ADGRF1: variants seen among roughly 807,000 people sequenced by gnomAD.
ADGRF1 encodes adhesion G protein-coupled receptor F1.
In ADGRF1, 85 loss-of-function variants were observed where a neutral mutation model predicts 87.2. The ratio of observed to expected loss-of-function variants is 0.97; its 90% CI spans 0.82 to 1.17. ADGRF1 has a LOEUF of 1.17. ADGRF1 is among the 50% of genes most tolerant of loss of function. The pLI, the probability that ADGRF1 is intolerant of heterozygous loss-of-function variation, is 0.00. For missense variants in ADGRF1, 1,169 were observed against 1,077.2 expected (o/e 1.09, Z -1.19); for synonymous variants, 430 against 408.8 (o/e 1.05, Z -0.63).
Position 47,009,958 on chromosome 6 carries a change from C to G in ADGRF1, c.1477G>C (p.Val493Leu), listed in dbSNP as rs377139714. The G allele has an allele frequency of 1.9e-6, 3 of 1,613,900 alleles. No individual in the cohort carries two copies. The South Asian group carries it at 3.3e-5, about 18-fold the overall frequency. Residue 493 changes from valine (V) to leucine (L), a missense_variant, in exon 11 of 15, where the codon GTT (valine) becomes CTT (leucine). Physicochemically the swap from Val to Leu is conservative, Grantham distance 32. Transcript: ENST00000371253. ...ASLTLGNILP[V>L]SKNGNAQVNG... ...ACCTGAGCATTTCCATTTTTGGAAACGGGTAGAATGTTCCCCAGAGTCAAC... is the reference window on the plus strand; with the variant it reads ...ACCTGAGCATTTCCATTTTTGGAAAGGGGTAGAATGTTCCCCAGAGTCAAC...
intron 9 of ADGRF1, chr6:47,013,806 G>T: frequency 4.7e-6 from 1 of 212,476 alleles, no homozygotes; most frequent in Non-Finnish European, 8.1e-6. Flanking sequence ...GCTGTCTCAT[G>T]ATACAGTTCT....
chr6:47,013,896 C>T (rs563526160), intron 9 of ADGRF1: 1 of 154,708 alleles, frequency 6.5e-6, no homozygotes, highest in Non-Finnish European at 1.4e-5. Context: ...CTCTCTCTCT[C>T]TCTCTCTCCT....
At chr6:47,027,636 G>A (rs368690965) in intron 3 of ADGRF1, 68 bp downstream of exon 3, 23 of 1,006,920 alleles carry the variant, frequency 2.3e-5, no homozygotes, top group Admixed American at 5.7e-5. Flanking sequence ...CAGGGGCACC[G>A]CTGGGATTAG....
intron 1 of ADGRF1, among the ~76,000 whole-genome samples, chr6:47,033,400 G>C (rs183100069): frequency 1.4e-4 from 21 of 152,322 alleles, no homozygotes; most frequent in Admixed American, 1.1e-3. Context: ...TATGCCAACA[G>C]CTGTCTCCTT....
At position 47,018,772 on chromosome 6, in the gene ADGRF1, A is replaced by C. The variant is rs1361713600; in HGVS notation, c.611+1959T>G. 8 of 298,432 alleles carry C rather than the reference A, an allele frequency of 2.7e-5. No homozygotes were observed. The East Asian group carries it at 7.3e-4, about 27-fold the overall frequency. 18.5% of individuals were successfully genotyped at this position (298,432 alleles called of 1,614,324 possible). On this transcript the variant is annotated intron_variant, in intron 7 of 14. Coordinates refer to ENST00000371253, the MANE Select transcript of ADGRF1 (RefSeq NM_153840.4). Reference sequence around the variant, plus strand: ...TTTTTTAAAATAATTTTTTTAAAAGAGATTTATTTTAAATCATATATGCAA... The same window carrying C: ...TTTTTTAAAATAATTTTTTTAAAAGCGATTTATTTTAAATCATATATGCAA...
chr6:47,000,695 A>G (rs1230047001), intron 14 of ADGRF1, among the ~76,000 whole-genome samples: 2 of 152,234 alleles, frequency 1.3e-5, no homozygotes, highest in Non-Finnish European at 2.9e-5. Flanking sequence ...ACAGAACCCA[A>G]GGGTCCGGGA....
intron 13 of ADGRF1, among the ~76,000 whole-genome samples, chr6:47,002,591 T>C (rs1033756163): frequency 2.0e-5 from 3 of 152,184 alleles, no homozygotes; most frequent in African/African-American, 7.2e-5. Flanking sequence ...ATATACTTCC[T>C]TGTGGTCTGG....
chr6:47,000,127 C>A lies in ADGRF1; in HGVS notation c.*95G>T. On this transcript the variant is annotated 3_prime_UTR_variant, in exon 15 of 15. Transcript: ENST00000371253. ...ATTCCCAGACCCCTAAATCAGAAAA[C>A]CCGATCGAATACTGAGCATAATTTC... is the stretch of plus-strand genomic sequence containing the variant. The A allele has an allele frequency of 2.2e-6, 2 of 910,410 alleles. No individual in the cohort carries two copies. The highest frequency in any genetic ancestry group is 3.5e-6 in the Non-Finnish European group (2 of 568,812). The allele number at this position is 910,410 out of a possible 1,614,324, so 56.4% of individuals were successfully genotyped here.
intron 13 of ADGRF1, among the ~76,000 whole-genome samples, chr6:47,003,876 C>G (rs1779436304): frequency 6.6e-6 from 1 of 152,162 alleles, no homozygotes; most frequent in African/African-American, 2.4e-5. Flanking sequence ...TTGATTGAGA[C>G]CTGTCTCAGA....
intron 1 of ADGRF1, among the ~76,000 whole-genome samples, chr6:47,041,906 T>C (rs1314756119): frequency 6.6e-6 from 1 of 152,198 alleles, no homozygotes; most frequent in East Asian, 1.9e-4. Context: ...ATCAGAACAA[T>C]GGGGTTCCTG....
intron 7 of ADGRF1, chr6:47,019,315 T>G: frequency 1.0e-6 from 1 of 981,618 alleles, no homozygotes; most frequent in East Asian, 1.1e-4. Context: ...TATTGAATTT[T>G]AAAGAAAACT....
chr6:47,005,856 G>A lies in ADGRF1; in HGVS notation c.2553C>T (p.Asn851=), dbSNP rs774407346. 3.7e-6 allele frequency: 6 copies of A among 1,611,950 alleles called. No homozygotes were observed. The highest frequency in any genetic ancestry group is 1.1e-5 in the South Asian group (1 of 90,830). The change falls in exon 13 of 15, where the codon AAC becomes AAT. Residue 851 remains asparagine (N), a synonymous_variant. Coordinates refer to ENST00000371253, the MANE Select transcript of ADGRF1 (RefSeq NM_153840.4). ...TCCAAGAACTTAAGGCAGACAACTT[G>A]TTGAACAGAAGTTGTCGCAGCTATA... is the stretch of plus-strand genomic sequence containing the variant. The part of the protein sequence containing the change: ...LDSKLRQLLF[N]KLSALSSWKQ...
intron 1 of ADGRF1, among the ~76,000 whole-genome samples, chr6:47,036,289 A>C (rs1364444362): frequency 2.0e-5 from 3 of 152,164 alleles, no homozygotes; most frequent in African/African-American, 7.2e-5. Context: ...ATTGGGTACT[A>C]TGCTCACTCA....
At chr6:47,036,387 CTAAAA>C (rs1780589990) in intron 1 of ADGRF1, among the ~76,000 whole-genome samples, 2 of 152,244 alleles carry the variant, frequency 1.3e-5, no homozygotes, top group South Asian at 2.1e-4. Flanking sequence ...CCCCCTGATG[CTAAAA>C]TAAAAGTTGA....
intron 1 of ADGRF1, among the ~76,000 whole-genome samples, chr6:47,033,938 T>A (rs1220008720): frequency 6.6e-6 from 1 of 152,236 alleles, no homozygotes; most frequent in Non-Finnish European, 1.5e-5. Flanking sequence ...CGAGACAAAC[T>A]TCCTCTGGAA....
intron 1 of ADGRF1, among the ~76,000 whole-genome samples, chr6:47,038,782 C>A (rs548411198): frequency 7.2e-5 from 11 of 152,302 alleles, no homozygotes; most frequent in Non-Finnish European, 1.3e-4. Flanking sequence ...ACATCTTTTA[C>A]CAATTACTTG....
chr6:47,016,680 C>T lies in ADGRF1; in HGVS notation c.700G>A (p.Ala234Thr). 1 of 1,611,758 alleles carries T rather than the reference C, an allele frequency of 6.2e-7. No homozygotes were observed. Among genetic ancestry groups the T allele is most frequent in the Non-Finnish European group, 8.5e-7 (1 of 1,178,240 alleles). ...LSAIEHVAEK[A>T]KTALHKLFPL... ...AACAGCTTGTGAAGGGCTGTCTTAG[C>T]CTTCTCGGCAACATGTTCAATGGCT... is the stretch of plus-strand genomic sequence containing the variant. The change falls in exon 8 of 15, where the codon GCT becomes ACT. Residue 234 changes from alanine (A) to threonine (T), a missense_variant. Physicochemically the swap from Ala to Thr is moderately conservative, Grantham distance 58. Coordinates refer to ENST00000371253, the MANE Select transcript of ADGRF1 (RefSeq NM_153840.4).
Position 47,025,891 on chromosome 6 carries a change from A to T in ADGRF1, c.240T>A (p.His80Gln). The T allele has an allele frequency of 1.9e-6, 3 of 1,610,892 alleles. No individual in the cohort carries two copies. The highest frequency in any genetic ancestry group is 2.5e-6 in the Non-Finnish European group (3 of 1,178,726). The part of the protein sequence containing the change: ...KLLKPPLLWS[H>Q]GLIRIIRAKA... ...TTGCTCTGATAATTCTAATTAGCCC[A>T]TGTGACCATAATAATGGAGGCTTCA... Residue 80 changes from histidine (H) to glutamine (Q), a missense_variant, in exon 4 of 15, where the codon CAT (histidine) becomes CAA (glutamine). His to Gln is a conservative substitution (Grantham distance 24, BLOSUM62 0). Coordinates refer to ENST00000371253, the MANE Select transcript of ADGRF1 (RefSeq NM_153840.4).
chr6:47,038,107 C>T (rs531788856), intron 1 of ADGRF1, among the ~76,000 whole-genome samples: 78 of 152,222 alleles, frequency 5.1e-4, no homozygotes, highest in Non-Finnish European at 7.8e-4. Context: ...GTGATTCACC[C>T]GCCTCAGCCT....
Sources: gnomAD v4.1 joint callset for allele counts (sites outside exome capture counted in the v4.1 genomes callset) on GRCh38, gnomAD v4.1.1 for gene constraint, MANE v1.5 for transcripts, NCBI Gene and HGNC (gene_info 2026-07-23, HGNC 2026-07-21) for gene names.